Variants in LDAH observed in about 807,000 individuals in gnomAD.
The protein encoded by LDAH is lipid droplet-associated hydrolase.
Under a neutral mutation model 29.6 loss-of-function variants are expected in LDAH, and 26 were observed. That is an observed-to-expected ratio of 0.88 (90% CI 0.64 to 1.22). LDAH has a LOEUF of 1.22. LDAH is among the 50% of genes most tolerant of loss of function. LDAH has a pLI of 0.00. For missense variants in LDAH, 344 were observed against 387.3 expected, an observed-to-expected ratio of 0.89 and a Z score of 0.94; for synonymous variants, 117 against 133.0, an observed-to-expected ratio of 0.88 and a Z score of 0.83.
intron 5 of LDAH, among the ~76,000 whole-genome samples, chr2:20,713,021 T>C (rs1187768607): frequency 6.6e-5 from 10 of 152,090 alleles, no homozygotes; most frequent in Admixed American, 6.6e-4. Context: ...AACATTCAAA[T>C]TCCGGAAATA....
chr2:20,739,999 T>A lies in LDAH; in HGVS notation c.675A>T (p.Pro225=). 1.9e-6 allele frequency: 3 copies of A among 1,613,870 alleles called. No individual in the cohort carries two copies. Among genetic ancestry groups the A allele is most frequent in the Non-Finnish European group, 2.5e-6 (3 of 1,179,802 alleles). ...QVMNLENEFS[P]LNILEPFCLA... ...GGCAGAATGGTTCTAATATATTCAA[T>A]GGTGAAAATTCATTCTCTAGGTTCA... The change falls in exon 5 of 7, where the codon CCA becomes CCT. Residue 225 remains proline (P), a synonymous_variant. Coordinates refer to ENST00000237822, the MANE Select transcript of LDAH (RefSeq NM_021925.4).
At position 20,733,809 on chromosome 2, in the gene LDAH, G is replaced by T. The variant is rs556031178; in HGVS notation, c.703+6162C>A. Among the ~76,000 whole-genome samples the T allele has an allele frequency of 3.3e-5, 5 of 152,252 alleles. No individual in the cohort carries two copies. In the South Asian group the frequency reaches 1.0e-3, roughly 32 times the overall value. On this transcript the variant is annotated intron_variant, in intron 5 of 6. Coordinates refer to ENST00000237822, the MANE Select transcript of LDAH (RefSeq NM_021925.4). ...CCATCTCAGACTCCCAAAGTGCTAG[G>T]ATTACAGTTGTGAGCTATAGTTTTA...
chr2:20,684,015 G>A (rs1378010669), downstream of LDAH: 1 of 152,198 alleles, frequency 6.6e-6, no homozygotes, highest in Non-Finnish European at 1.5e-5. Context: ...AGACACGGAT[G>A]CAGGAGATAG....
intron 4 of LDAH, among the ~76,000 whole-genome samples, chr2:20,749,942 C>T (rs188984678): frequency 6.6e-6 from 1 of 152,242 alleles, no homozygotes; most frequent in Admixed American, 6.5e-5. Flanking sequence ...GGGTAGCATC[C>T]CTCCTGGTGG....
chr2:20,723,454 T>A (rs1665799432), intron 5 of LDAH, among the ~76,000 whole-genome samples: 1 of 152,156 alleles, frequency 6.6e-6, no homozygotes, highest in Non-Finnish European at 1.5e-5. Context: ...TTTTTGTCAT[T>A]CTTAAATTAA....
chr2:20,787,003 G>T (rs1211941166), intron 3 of LDAH, among the ~76,000 whole-genome samples: 2 of 152,146 alleles, frequency 1.3e-5, no homozygotes, highest in African/African-American at 2.4e-5. Context: ...ACCTGATAAG[G>T]TTCCTAGAAG....
intron 1 of LDAH, among the ~76,000 whole-genome samples, chr2:20,801,930 A>ATG (rs35921690): frequency 0.026 from 3,674 of 140,150 alleles, 81 homozygotes; most frequent in Middle Eastern, 0.065. Flanking sequence ...CCCAAATTCT[A>ATG]TGTGTGTGTG....
At chr2:20,682,574 T>A (rs1662351210), downstream of LDAH, among the ~76,000 whole-genome samples, 1 of 152,266 alleles carries the variant, frequency 6.6e-6, no homozygotes, top group Non-Finnish European at 1.5e-5. Flanking sequence ...TGAGGACCTT[T>A]GTGCTACATC....
In LDAH at chr2:20,823,089, C is replaced by G. The variant is rs1485518035; in HGVS notation, c.-55G>C. 5.2e-5 allele frequency: 8 copies of G among 152,400 alleles called. No individual in the cohort carries two copies. The highest frequency in any genetic ancestry group is 1.9e-4 in the African/African-American group (8 of 41,568). The allele number at this position is 152,400 out of a possible 1,614,324, so 9.4% of individuals were successfully genotyped here. A position where few individuals can be genotyped will look rare whatever the true frequency, so the allele number is the denominator to read the frequency against. On this transcript the variant is annotated 5_prime_UTR_variant, in exon 1 of 7. Coordinates refer to ENST00000237822, the MANE Select transcript of LDAH (RefSeq NM_021925.4). ...CCCTGAGGGTCCTGGGAAGGCGGCACGAGACCGGAAGTGCCCCCCTCAGGT... is the reference window on the plus strand; with the variant it reads ...CCCTGAGGGTCCTGGGAAGGCGGCAGGAGACCGGAAGTGCCCCCCTCAGGT...
intron 4 of LDAH, among the ~76,000 whole-genome samples, chr2:20,760,794 T>A (rs1572568189): frequency 6.6e-6 from 1 of 152,322 alleles, no homozygotes; most frequent in Admixed American, 6.5e-5. Flanking sequence ...CACATACACA[T>A]AATCATGTGC....
chr2:20,764,419 A>T lies in LDAH; in HGVS notation c.468+10391T>A, dbSNP rs567888042. ...GGTAACTGTCAAACTACTATGCACTATGTTTGCAGAATCCTCCAATTTCCT... is the reference window on the plus strand; with the variant it reads ...GGTAACTGTCAAACTACTATGCACTTTGTTTGCAGAATCCTCCAATTTCCT... On this transcript the variant is annotated intron_variant, in intron 4 of 6. Transcript: ENST00000237822. 5.3e-5 allele frequency among the ~76,000 whole-genome samples: 8 copies of T among 152,338 alleles called. No homozygotes were observed. In the South Asian group the frequency reaches 1.4e-3, roughly 28 times the overall value.
chr2:20,726,120 T>G (rs367817092), intron 5 of LDAH, among the ~76,000 whole-genome samples: 3 of 152,230 alleles, frequency 2.0e-5, no homozygotes, highest in South Asian at 2.1e-4. Context: ...TTGAATATTC[T>G]GGGTGTTTTT....
chr2:20,821,062 T>C (rs1458597556), intron 1 of LDAH, among the ~76,000 whole-genome samples: 1 of 152,050 alleles, frequency 6.6e-6, no homozygotes, highest in Non-Finnish European at 1.5e-5. Flanking sequence ...AAAACTACAA[T>C]GAGACATCTT....
At chr2:20,736,578 ATTT>A (rs1325731108) in intron 5 of LDAH, among the ~76,000 whole-genome samples, 1 of 152,196 alleles carries the variant, frequency 6.6e-6, no homozygotes, top group Non-Finnish European at 1.5e-5. Context: ...TAAACTGAGT[ATTT>A]TGAGAAACTG....
chr2:20,682,766 C>A (rs1488640622), downstream of LDAH, among the ~76,000 whole-genome samples: 3 of 152,214 alleles, frequency 2.0e-5, no homozygotes, highest in Non-Finnish European at 4.4e-5. Flanking sequence ...AAGTCTCTAA[C>A]ACACGAACTT....
At chr2:20,775,538 A>G (rs1669753945) in intron 3 of LDAH, among the ~76,000 whole-genome samples, 1 of 152,202 alleles carries the variant, frequency 6.6e-6, no homozygotes, top group Non-Finnish European at 1.5e-5. Flanking sequence ...TATATTACTA[A>G]TAGACAACTA....
intron 6 of LDAH, among the ~76,000 whole-genome samples, chr2:20,692,298 T>C (rs1663094928): frequency 2.0e-5 from 3 of 152,152 alleles, no homozygotes; most frequent in African/African-American, 7.2e-5. Context: ...AATTCTGCCC[T>C]GAGGGAGTGA....
chr2:20,717,187 T>C (rs1665279262), intron 5 of LDAH, among the ~76,000 whole-genome samples: 1 of 152,162 alleles, frequency 6.6e-6, no homozygotes, highest in Non-Finnish European at 1.5e-5. Flanking sequence ...TTTCATAACT[T>C]TGGGGTAGGA....
At chr2:20,806,049 T>C (rs1233375846) in intron 1 of LDAH, among the ~76,000 whole-genome samples, 1 of 152,132 alleles carries the variant, frequency 6.6e-6, no homozygotes, top group African/African-American at 2.4e-5. Flanking sequence ...TACTTGGTAA[T>C]ACTGCTTTAT....
Sources: allele counts gnomAD v4.1 joint callset (sites outside exome capture counted in the v4.1 genomes callset), GRCh38; gene constraint gnomAD v4.1.1; transcripts MANE v1.5; gene names NCBI Gene and HGNC (gene_info 2026-07-23, HGNC 2026-07-21).